NHS: variants seen among roughly 807,000 people sequenced by gnomAD.
NHS encodes actin remodeling regulator NHS.
Under a neutral mutation model 72.5 loss-of-function variants are expected in NHS, and 5 were observed. That is an observed-to-expected ratio of 0.07 (90% CI 0.04 to 0.14). The LOEUF (loss-of-function observed/expected upper bound fraction) is 0.14. NHS is among the 10% of genes least tolerant of loss of function. The pLI is 1.00. For missense variants in NHS, 1,072 were observed against 1,355.7 expected (o/e 0.79, Z 3.29); for synonymous variants, 464 against 547.7 (o/e 0.85, Z 2.13).
chrX:17,435,952 T>C (rs749596672), intron 1 of NHS, among the ~76,000 whole-genome samples: 2 of 111,810 alleles, frequency 1.8e-5, no homozygotes, highest in African/African-American at 3.3e-5. Context: ...GGCCACATTG[T>C]TTTGCTCATG....
At chrX:17,646,663 T>C (rs754118507) in intron 1 of NHS, among the ~76,000 whole-genome samples, 65 of 112,030 alleles carry the variant, frequency 5.8e-4, no homozygotes, top group Non-Finnish European at 9.2e-4. Context: ...GAAAAAACTG[T>C]TGGGAAACAA....
intron 1 of NHS, among the ~76,000 whole-genome samples, chrX:17,445,350 G>A (rs1186867143): frequency 8.9e-6 from 1 of 111,910 alleles, no homozygotes; most frequent in Non-Finnish European, 1.9e-5. Flanking sequence ...AAGGGTAAAT[G>A]CTGCCCTAAC....
At chrX:17,431,287 T>C (rs1438980870) in intron 1 of NHS, among the ~76,000 whole-genome samples, 2 of 111,667 alleles carry the variant, frequency 1.8e-5, no homozygotes, top group South Asian at 3.8e-4. Context: ...TTTTAACCTC[T>C]CATAAGGGAT....
intron 1 of NHS, among the ~76,000 whole-genome samples, chrX:17,682,219 G>C (rs1299479731): frequency 8.9e-6 from 1 of 111,939 alleles, no homozygotes; most frequent in African/African-American, 3.3e-5. Flanking sequence ...TGAGCACTCA[G>C]GCAGCAGCAA....
chrX:17,685,517 C>T (rs1266783804), intron 1 of NHS, among the ~76,000 whole-genome samples: 1 of 111,249 alleles, frequency 9.0e-6, no homozygotes, highest in Non-Finnish European at 1.9e-5. Context: ...GTTTAGCAGC[C>T]CAGGAACTCA....
intron 1 of NHS, among the ~76,000 whole-genome samples, chrX:17,377,220 G>A (rs1458633830): frequency 8.9e-6 from 1 of 112,011 alleles, no homozygotes; most frequent in East Asian, 2.8e-4. Context: ...GAGGAAGGAA[G>A]TCTGGGAGAC....
At chrX:17,687,936 C>A (rs1177799616) in intron 2 of NHS, 42 bp downstream of exon 2, 1 of 1,179,163 alleles carries the variant, frequency 8.5e-7, no homozygotes, top group South Asian at 1.8e-5. Context: ...GGAGACAACT[C>A]GGAGGTTGTC....
intron 1 of NHS, among the ~76,000 whole-genome samples, chrX:17,414,327 C>A (rs961109363): frequency 2.7e-5 from 3 of 112,333 alleles, no homozygotes; most frequent in African/African-American, 9.7e-5. Flanking sequence ...AGGCCAGAAA[C>A]GAATCCCGGT....
intron 1 of NHS, among the ~76,000 whole-genome samples, chrX:17,585,244 C>T (rs1212835752): frequency 8.9e-6 from 1 of 112,272 alleles, no homozygotes; most frequent in Non-Finnish European, 1.9e-5. Context: ...GTGCCTGTTT[C>T]CTCATCTGTA....
At chrX:17,611,925 T>G (rs1193380143) in intron 1 of NHS, among the ~76,000 whole-genome samples, 1 of 111,998 alleles carries the variant, frequency 8.9e-6, no homozygotes, top group African/African-American at 3.3e-5. Flanking sequence ...TTTTTGGTAC[T>G]TTTGGTAAAG....
rs148845392 is a variant in NHS, at chrX:17,390,060, G to A, written c.565+13738G>A. 7.1e-5 allele frequency among the ~76,000 whole-genome samples: 8 copies of A among 112,266 alleles called. No individual in the cohort carries two copies. In the East Asian group the frequency reaches 2.2e-3, roughly 31 times the overall value. On this transcript the variant is annotated intron_variant, in intron 1 of 8. Transcript: ENST00000676302. ...TGCTGATGCTTGAAGCCTGGATGGA[G>A]GACAAAATTGCTTAGAATTGGATTT...
chrX:17,469,724 T>C (rs187904278), intron 1 of NHS, among the ~76,000 whole-genome samples: 99 of 112,266 alleles, frequency 8.8e-4, no homozygotes, highest in African/African-American at 3.0e-3. Context: ...CTCTGCAGCC[T>C]CCGCCTCTTG....
chrX:17,598,244 C>T (rs1364816539), intron 1 of NHS, among the ~76,000 whole-genome samples: 2 of 111,759 alleles, frequency 1.8e-5, no homozygotes, highest in Non-Finnish European at 3.8e-5. Flanking sequence ...CGTTGTCAAG[C>T]CTCTGGACCA....
In NHS at chrX:17,687,736, T is replaced by C; in HGVS notation, c.566-6T>C. 8.3e-7 allele frequency: 1 copy of C among 1,211,322 alleles called. No homozygotes were observed. Among genetic ancestry groups the C allele is most frequent in the Non-Finnish European group, 1.1e-6 (1 of 895,317 alleles). ...GATGGACAACGCCCTGTTTCTTGTC[T>C]TGCAGCCGTCTCCAACCTGGACATA... On this transcript the variant is annotated splice_region_variant and splice_polypyrimidine_tract_variant and intron_variant, in intron 1 of 8. Transcript: ENST00000676302.
intron 1 of NHS, among the ~76,000 whole-genome samples, chrX:17,488,495 C>T (rs375803342): frequency 4.1e-4 from 46 of 111,618 alleles, no homozygotes; most frequent in African/African-American, 1.5e-3. Context: ...TGACCTAGAC[C>T]TGGAAACTAG....
chrX:17,562,888 A>G (rs1316824273), intron 1 of NHS, among the ~76,000 whole-genome samples: 1 of 111,405 alleles, frequency 9.0e-6, no homozygotes, highest in Admixed American at 9.6e-5. Context: ...ATATTGAGAT[A>G]TACTTGCCTG....
chrX:17,477,818 T>C (rs2064927903), intron 1 of NHS, among the ~76,000 whole-genome samples: 1 of 112,020 alleles, frequency 8.9e-6, no homozygotes, highest in Non-Finnish European at 1.9e-5. Context: ...TAGACTCACC[T>C]AGTGATAGGA....
chrX:17,713,977 G>C (rs190046709), intron 3 of NHS, among the ~76,000 whole-genome samples: 92 of 111,304 alleles, frequency 8.3e-4, no homozygotes, highest in Middle Eastern at 4.7e-3. Flanking sequence ...GATGAGGCCA[G>C]CAGGGACAGA....
At chrX:17,598,658 A>ACC (rs2065636030) in intron 1 of NHS, among the ~76,000 whole-genome samples, 1 of 111,686 alleles carries the variant, frequency 9.0e-6, no homozygotes, top group Admixed American at 9.5e-5. Context: ...CAGGTGGTAA[A>ACC]CCTGGGATTT....
Sources: allele counts gnomAD v4.1 joint callset (sites outside exome capture counted in the v4.1 genomes callset), GRCh38; gene constraint gnomAD v4.1.1; transcripts MANE v1.5; gene names NCBI Gene and HGNC (gene_info 2026-07-23, HGNC 2026-07-21).